AOPEP: variants seen among roughly 807,000 people sequenced by gnomAD.
The protein encoded by AOPEP is aminopeptidase O (putative).
Under a neutral mutation model 98.1 loss-of-function variants are expected in AOPEP, and 77 were observed. That is an observed-to-expected ratio of 0.78 (90% CI 0.65 to 0.95). The LOEUF (loss-of-function observed/expected upper bound fraction) is 0.95, where lower values mean the gene tolerates loss of function less well. Ranked by LOEUF, AOPEP falls within the 40% of genes least tolerant of loss-of-function variation. AOPEP has a pLI of 0.00. For synonymous variants in AOPEP, 346 were observed against 365.3 expected (o/e 0.95, Z 0.60); for missense variants, 1,024 against 1,024.7 (o/e 1.00, Z 0.01).
chr9:94,768,617 T>G (rs1178813340), intron 2 of AOPEP, among the ~76,000 whole-genome samples: 1 of 152,232 alleles, frequency 6.6e-6, no homozygotes, highest in Non-Finnish European at 1.5e-5. Flanking sequence ...AAGTTCTTCC[T>G]CAATTTAGAA....
intron 5 of AOPEP, among the ~76,000 whole-genome samples, chr9:94,894,866 G>T (rs554323035): frequency 1.3e-5 from 2 of 152,254 alleles, no homozygotes; most frequent in Admixed American, 1.3e-4. Flanking sequence ...TATCCTAAAA[G>T]TGTAAGGATG....
chr9:94,947,731 A>G (rs1052368702), intron 7 of AOPEP, among the ~76,000 whole-genome samples: 5 of 152,248 alleles, frequency 3.3e-5, no homozygotes, highest in African/African-American at 7.2e-5. Context: ...TGCTGGTACC[A>G]TAGTACCATT....
intron 5 of AOPEP, among the ~76,000 whole-genome samples, chr9:94,896,910 G>GTT (rs55947017): frequency 1.5e-4 from 17 of 115,900 alleles, no homozygotes; most frequent in South Asian, 1.4e-3. Context: ...ACTTTTGTGG[G>GTT]TTTTTTTTTT....
intron 4 of AOPEP, among the ~76,000 whole-genome samples, chr9:94,799,794 G>A (rs1386223189): frequency 6.6e-6 from 1 of 151,986 alleles, no homozygotes; most frequent in Non-Finnish European, 1.5e-5. Flanking sequence ...CCTGGGAGGT[G>A]GAAGTTGCAG....
chr9:94,907,480 T>TC (rs1210855567), intron 5 of AOPEP, among the ~76,000 whole-genome samples: 1 of 151,194 alleles, frequency 6.6e-6, no homozygotes, highest in Non-Finnish European at 1.5e-5. Flanking sequence ...GGGCACAGAG[T>TC]CAAGCATCAG....
At chr9:94,847,182 T>A (rs1489822065) in intron 5 of AOPEP, among the ~76,000 whole-genome samples, 4 of 147,012 alleles carry the variant, frequency 2.7e-5, no homozygotes, top group Non-Finnish European at 6.1e-5. Context: ...TCTCTCTCTG[T>A]CTCTGTCTCT....
At chr9:94,730,545 T>C (rs1830294641) in intron 1 of AOPEP, among the ~76,000 whole-genome samples, 1 of 152,226 alleles carries the variant, frequency 6.6e-6, no homozygotes, top group African/African-American at 2.4e-5. Context: ...ATAAAGCGTG[T>C]AACTTACATG....
chr9:94,950,253 A>C (rs1299674235), intron 7 of AOPEP, among the ~76,000 whole-genome samples: 1 of 152,198 alleles, frequency 6.6e-6, no homozygotes, highest in East Asian at 1.9e-4. Flanking sequence ...CTGGAGGCTC[A>C]GTCAGAACAT....
chr9:94,730,542 G>A (rs553704769), intron 1 of AOPEP, among the ~76,000 whole-genome samples: 7 of 152,208 alleles, frequency 4.6e-5, no homozygotes, highest in East Asian at 1.9e-4. Context: ...CTCATAAAGC[G>A]TGTAACTTAC....
intron 5 of AOPEP, among the ~76,000 whole-genome samples, chr9:94,863,375 G>A (rs946327347): frequency 1.3e-5 from 2 of 151,706 alleles, no homozygotes; most frequent in African/African-American, 4.8e-5. Flanking sequence ...CTGCCTCCTG[G>A]GTTCATGCCA....
chr9:95,020,684 G>GA (rs2063373501), intron 13 of AOPEP, among the ~76,000 whole-genome samples: 1 of 151,810 alleles, frequency 6.6e-6, no homozygotes, highest in Admixed American at 6.6e-5. Context: ...TTGGGAGGCT[G>GA]AGGCAGGTGG....
chr9:95,028,072 A>C (rs2063986485), intron 13 of AOPEP, among the ~76,000 whole-genome samples: 1 of 152,194 alleles, frequency 6.6e-6, no homozygotes, highest in African/African-American at 2.4e-5. Context: ...CGGGGCATGC[A>C]GTCTGTCAAG....
At chr9:94,999,623 T>TA (rs1274407785) in intron 11 of AOPEP, among the ~76,000 whole-genome samples, 1 of 152,192 alleles carries the variant, frequency 6.6e-6, no homozygotes, top group East Asian at 1.9e-4. Context: ...GATGGCTTCT[T>TA]ACCAGAACTT....
intron 16 of AOPEP, among the ~76,000 whole-genome samples, chr9:95,083,546 G>A (rs912155028): frequency 7.1e-6 from 1 of 141,746 alleles, no homozygotes; most frequent in African/African-American, 2.7e-5. Flanking sequence ...CAGAGTACAC[G>A]CGGCACACAC....
rs553918777 is a variant in AOPEP at position 94,901,877 on chromosome 9, C to T, written c.1365-22109C>T. 5.9e-5 allele frequency among the ~76,000 whole-genome samples: 9 copies of T among 152,092 alleles called. No individual in the cohort carries two copies. The East Asian group carries it at 1.7e-3, about 29-fold the overall frequency. On this transcript the variant is annotated intron_variant, in intron 5 of 16. Coordinates refer to ENST00000375315, the MANE Select transcript of AOPEP (RefSeq NM_001193329.3). ...TGAGCTGAGATCGCGCCACTGCACT[C>T]CAGCCTGGGTGACAGAGTGAGACTG...
chr9:94,898,942 T>A (rs1330795251), intron 5 of AOPEP, among the ~76,000 whole-genome samples: 2 of 151,572 alleles, frequency 1.3e-5, no homozygotes, highest in African/African-American at 4.9e-5. Context: ...GCCTGGGCAC[T>A]GTCTCAAATA....
intron 9 of AOPEP, among the ~76,000 whole-genome samples, chr9:94,967,134 G>T (rs142169720): frequency 3.9e-5 from 6 of 152,158 alleles, no homozygotes; most frequent in African/African-American, 9.6e-5. Flanking sequence ...TAAAATGTGC[G>T]TGTGTGTATG....
rs145530547 is a variant in AOPEP, at chr9:94,873,764, A to T, written c.1365-50222A>T. On this transcript the variant is annotated intron_variant, in intron 5 of 16. Coordinates refer to ENST00000375315, the MANE Select transcript of AOPEP (RefSeq NM_001193329.3). ...CGAATGCTTAATATTTTTTCAAGCA[A>T]CTTCTTTGATATGATATTGTCTTAT... 1.1e-4 allele frequency among the ~76,000 whole-genome samples: 16 copies of T among 152,324 alleles called. No individual in the cohort carries two copies. In the East Asian group the frequency reaches 3.1e-3, roughly 29 times the overall value.
chr9:94,822,983 G>A (rs947282668), intron 5 of AOPEP, among the ~76,000 whole-genome samples: 3 of 118,958 alleles, frequency 2.5e-5, no homozygotes, highest in African/African-American at 3.4e-5. Context: ...TCACTCACCT[G>A]TCCCCTAATC....
Sources: allele counts gnomAD v4.1 joint callset (sites outside exome capture counted in the v4.1 genomes callset), GRCh38; gene constraint gnomAD v4.1.1; transcripts MANE v1.5; gene names NCBI Gene and HGNC (gene_info 2026-07-23, HGNC 2026-07-21).